ADCY7: variants seen among roughly 807,000 people sequenced by gnomAD.
ADCY7 encodes the protein adenylate cyclase type 7.
In ADCY7, 72 loss-of-function variants were observed where a neutral mutation model predicts 120.6. The observed-to-expected ratio is 0.60, with a 90% confidence interval of 0.49 to 0.73. The LOEUF is 0.73. ADCY7 is among the 30% of genes least tolerant of loss of function. The probability of loss-of-function intolerance (pLI) is 0.00; values close to 1 mark genes in which losing one functional copy is unlikely to be tolerated. For missense variants in ADCY7, 1,227 were observed against 1,486.0 expected (o/e 0.83, Z 2.87); for synonymous variants, 661 against 628.0 (o/e 1.05, Z -0.78).
chr16:50,299,533 T>C (rs906546108), intron 8 of ADCY7, among the ~76,000 whole-genome samples: 1 of 152,126 alleles, frequency 6.6e-6, no homozygotes, highest in Admixed American at 6.5e-5. Context: ...CCGAGAGGGC[T>C]GTATGGGGAG....
At chr16:50,253,921 C>T (rs755428178) in intron 1 of ADCY7, among the ~76,000 whole-genome samples, 4 of 152,116 alleles carry the variant, frequency 2.6e-5, no homozygotes, top group Non-Finnish European at 5.9e-5. Flanking sequence ...CTGTCTTTGT[C>T]CTTGTCTGTC....
At chr16:50,245,875 C>A (rs1460221187), upstream of ADCY7, among the ~76,000 whole-genome samples, 3 of 151,550 alleles carry the variant, frequency 2.0e-5, no homozygotes, top group Non-Finnish European at 4.4e-5. Context: ...TGCTGGGACG[C>A]CTTTCCTTCC....
intron 3 of ADCY7, among the ~76,000 whole-genome samples, chr16:50,291,309 C>T (rs1369639296): frequency 8.1e-5 from 11 of 135,704 alleles, no homozygotes; most frequent in African/African-American, 2.5e-4. Context: ...GAGGGGTGGA[C>T]GCAGGACCAG....
intron 10 of ADCY7, among the ~76,000 whole-genome samples, chr16:50,302,160 C>T (rs1387710428): frequency 2.6e-5 from 4 of 152,028 alleles, no homozygotes; most frequent in African/African-American, 7.2e-5. Flanking sequence ...TCCTCCTGCC[C>T]TTCCACTACC....
At position 50,314,366 on chromosome 16, in the gene ADCY7, C is replaced by T; in HGVS notation, c.2931C>T (p.Gly977=). 6.2e-7 allele frequency: 1 copy of T among 1,614,132 alleles called. No homozygotes were observed. The highest frequency in any genetic ancestry group is 8.5e-7 in the Non-Finnish European group (1 of 1,180,032). ...TCGCCCTGATGAGTAAGCTGGACGG[C>T]ATCAACAGGCACTCCTTCAACTCCT... is the stretch of plus-strand genomic sequence containing the variant. ...FSIALMSKLD[G]INRHSFNSFR... The change falls in exon 24 of 26, where the codon GGC becomes GGT. Residue 977 remains glycine, a synonymous_variant. Transcript: ENST00000673801.
intron 14 of ADCY7, 139 bp from the exon 15 acceptor site, chr16:50,306,911 C>A (rs749366682): frequency 2.6e-5 from 17 of 650,350 alleles, no homozygotes; most frequent in Middle Eastern, 4.1e-4. Flanking sequence ...CCTCCTTCCT[C>A]GGCTCCCAAA....
At chr16:50,252,942 T>C (rs1016969640) in intron 1 of ADCY7, among the ~76,000 whole-genome samples, 6 of 152,220 alleles carry the variant, frequency 3.9e-5, no homozygotes, top group Admixed American at 1.3e-4. Flanking sequence ...TTTTCTTTTT[T>C]CAACATATTA....
At chr16:50,264,225 G>GA (rs1356415450), upstream of ADCY7, among the ~76,000 whole-genome samples, 1 of 152,212 alleles carries the variant, frequency 6.6e-6, no homozygotes. Context: ...GAAACGTGCT[G>GA]AATGTGTCTT....
chr16:50,312,407 T>C (rs890994063), intron 21 of ADCY7, among the ~76,000 whole-genome samples: 3 of 152,192 alleles, frequency 2.0e-5, no homozygotes, highest in Non-Finnish European at 4.4e-5. Context: ...CAAGGCACCT[T>C]GCTTTCCCAG....
At chr16:50,278,872 CTCTT>C (rs72055712) in intron 1 of ADCY7, among the ~76,000 whole-genome samples, 47,473 of 94,158 alleles carry the variant, frequency 0.5, 8,024 homozygotes, top group South Asian at 0.64. Context: ...CTCTCTCTCT[CTCTT>C]TTTTTTTTTT....
At position 50,297,922 on chromosome 16, in the gene ADCY7, A is replaced by G. The variant is rs1473834275; in HGVS notation, c.949-982A>G. On this transcript the variant is annotated intron_variant, in intron 7 of 25. Transcript: ENST00000673801. The surrounding 1 kb of genome is among the most constrained non-coding windows in gnomAD (Gnocchi z 4.4). ...CAGAGGCAGATGGCGCTCCTTCTTC[A>G]GCTCCCCTAAAGCCCCACCCATGAG... Among the ~76,000 whole-genome samples the G allele has an allele frequency of 6.6e-6, 1 of 151,976 alleles. No homozygotes were observed. The highest frequency in any genetic ancestry group is 1.5e-5 in the Non-Finnish European group (1 of 67,978).
chr16:50,297,002 C>T lies in ADCY7; in HGVS notation c.949-1902C>T, dbSNP rs2035396416. 6.6e-6 allele frequency among the ~76,000 whole-genome samples: 1 copy of T among 152,200 alleles called. No homozygotes were observed. Among genetic ancestry groups the T allele is most frequent in the South Asian group, 2.1e-4 (1 of 4,832 alleles). ...CCTCATGTGAGGCAGGGGCCCTGGG[C>T]TCGGGCCACAGCTGGCCCTTTCCTT... On this transcript the variant is annotated intron_variant, in intron 7 of 25. Transcript: ENST00000673801. This position sits in a 1 kb window ranked among gnomAD's most constrained non-coding sequence, Gnocchi z 4.4.
At chr16:50,304,875 G>C in intron 11 of ADCY7, 50 bp from the exon 12 acceptor site, 1 of 1,612,100 alleles carries the variant, frequency 6.2e-7, no homozygotes, top group Non-Finnish European at 8.5e-7. Flanking sequence ...TGGCCTTCAG[G>C]GCCCAGTGTT....
chr16:50,312,117 G>C lies in ADCY7; in HGVS notation c.2530G>C (p.Val844Leu), dbSNP rs750630009. ...EHEEFETMEN[V>L]NRLLLENVLP... ...CGAGGAGTTTGAGACCATGGAGAAC[G>C]TGAACCGCCTTCTTCTGGAGAACGT... Residue 844 changes from valine to leucine, a missense_variant, in exon 21 of 26, where the codon GTG (valine) becomes CTG (leucine). Around this residue, in one of 5 missense-constraint regions of ADCY7, gnomAD observed 244 missense variants for 332.8 expected, o/e 0.73. Transcript: ENST00000673801. 7.4e-6 allele frequency: 12 copies of C among 1,614,116 alleles called. No homozygotes were observed. The African/African-American group carries it at 1.1e-4, about 14-fold the overall frequency.
intron 1 of ADCY7, among the ~76,000 whole-genome samples, chr16:50,253,417 A>G (rs1321667442): frequency 6.6e-6 from 1 of 152,022 alleles, no homozygotes; most frequent in African/African-American, 2.4e-5. Context: ...ATGCCCGACT[A>G]ATTTTTGTGT....
At chr16:50,286,449 G>A (rs1207318656) in intron 1 of ADCY7, among the ~76,000 whole-genome samples, 1 of 146,730 alleles carries the variant, frequency 6.8e-6, no homozygotes, top group African/African-American at 2.5e-5. Flanking sequence ...AAAAAAAAGA[G>A]AGAAAGAAAA....
chr16:50,305,433 G>T (rs546875560), intron 12 of ADCY7, 70 bp from the exon 13 acceptor site: 5 of 1,407,584 alleles, frequency 3.6e-6, no homozygotes, highest in Non-Finnish European at 5.0e-6. Context: ...TGGTGTCTAC[G>T]TCCACACCCT....
chr16:50,307,250 G>A (rs1422406839), intron 15 of ADCY7, 103 bp downstream of exon 15: 40 of 1,101,704 alleles, frequency 3.6e-5, no homozygotes, highest in East Asian at 3.6e-4. Context: ...GGAAGGGGTC[G>A]GCTGCTGGGG....
chr16:50,296,477 C>A (rs1440355701), intron 7 of ADCY7, among the ~76,000 whole-genome samples: 1 of 151,926 alleles, frequency 6.6e-6, no homozygotes, highest in African/African-American at 2.4e-5. Context: ...CTGCCTCACC[C>A]TCCTGAGTAG....
Sources: gnomAD v4.1 joint callset for allele counts (sites outside exome capture counted in the v4.1 genomes callset) on GRCh38, gnomAD v4.1.1 for gene constraint, gnomAD v4.1.1 regional missense constraint, Gnocchi (gnomAD v3.1) non-coding constraint, MANE v1.5 for transcripts, NCBI Gene and HGNC (gene_info 2026-07-23, HGNC 2026-07-21) for gene names.